IGDCC3: variants seen among roughly 807,000 people sequenced by gnomAD.
IGDCC3 encodes immunoglobulin superfamily DCC subclass member 3.
In IGDCC3, 47 loss-of-function variants were observed where a neutral mutation model predicts 72.0. The ratio of observed to expected loss-of-function variants is 0.65; its 90% CI spans 0.52 to 0.83. The LOEUF (loss-of-function observed/expected upper bound fraction) is 0.83. IGDCC3 is among the 40% of genes least tolerant of loss of function. IGDCC3 has a pLI of 0.00. For missense variants in IGDCC3, 1,038 were observed against 1,091.3 expected (o/e 0.95, Z 0.69); for synonymous variants, 477 against 472.8 (o/e 1.01, Z -0.11).
chr15:65,343,719 G>T (rs952327655), intron 2 of IGDCC3, among the ~76,000 whole-genome samples: 1 of 152,234 alleles, frequency 6.6e-6, no homozygotes, highest in East Asian at 1.9e-4. Context: ...AAGAGTGCTA[G>T]TGGGGCACAG....
In IGDCC3 at chr15:65,330,776, C is replaced by A. The variant is rs544796030; in HGVS notation, c.1562-35G>T. ...GAGAAGGAGGCCACGATGTGAGGACCCAGTGGAAGCTCTATCTTTCTACCT... is the reference window on the plus strand; with the variant it reads ...GAGAAGGAGGCCACGATGTGAGGACACAGTGGAAGCTCTATCTTTCTACCT... On this transcript the variant is annotated intron_variant, in intron 9 of 13. Coordinates refer to ENST00000327987, the MANE Select transcript of IGDCC3 (RefSeq NM_004884.4). The A allele has an allele frequency of 2.9e-4, 439 of 1,496,824 alleles. 4 individuals are homozygous for A. In the East Asian group the frequency reaches 9.5e-3, roughly 32 times the overall value. 92.7% of individuals were successfully genotyped at this position (1,496,824 alleles called of 1,614,324 possible). A position where few individuals can be genotyped will look rare whatever the true frequency, so the allele number is the denominator to read the frequency against.
chr15:65,329,299 G>A lies in IGDCC3; in HGVS notation c.2205+91C>T, dbSNP rs1008107124. On this transcript the variant is annotated intron_variant, in intron 13 of 13. Coordinates refer to ENST00000327987, the MANE Select transcript of IGDCC3 (RefSeq NM_004884.4). This position sits in a 1 kb window ranked among gnomAD's most constrained non-coding sequence, Gnocchi z 4.1. ...TGCAGTTTGACTAAGGCCAATGATC[G>A]AGGCCCGTGGCCAAGGTGAAGGGGG... 11 of 1,470,888 alleles carry A rather than the reference G, an allele frequency of 7.5e-6. No homozygotes were observed. Among genetic ancestry groups the A allele is most frequent in the African/African-American group, 4.2e-5 (3 of 70,706 alleles). The allele number at this position is 1,470,888 out of a possible 1,614,324, so 91.1% of individuals were successfully genotyped here. A position where few individuals can be genotyped will look rare whatever the true frequency, so the allele number is the denominator to read the frequency against.
intron 2 of IGDCC3, among the ~76,000 whole-genome samples, chr15:65,364,741 C>T (rs774345706): frequency 6.6e-6 from 1 of 151,958 alleles, no homozygotes. Flanking sequence ...ATTAGCCCGG[C>T]GTGGTATTGT....
chr15:65,351,345 T>G (rs933139274), intron 2 of IGDCC3, among the ~76,000 whole-genome samples: 2 of 152,176 alleles, frequency 1.3e-5, no homozygotes, highest in Non-Finnish European at 2.9e-5. Context: ...CCATCCTGGC[T>G]AACACGGTGA....
At position 65,355,656 on chromosome 15, in the gene IGDCC3, T is replaced by TACCCC; in HGVS notation, c.409+19440_409+19441insGGGGT. The TACCCC allele has an allele frequency of 2.8e-5, 6 of 211,730 alleles. 2 individuals carry two copies. The highest frequency in any genetic ancestry group is 2.5e-4 in the Admixed American group (4 of 15,882). The allele number at this position is 211,730 out of a possible 1,614,324, so 13.1% of individuals were successfully genotyped here. ...CGGCTAATCCCCGCCGACGCGGGCG[T>TACCCC]CCCGCCCCCCCGCCCCTCCCGCATA... On this transcript the variant is annotated intron_variant, in intron 2 of 13. Transcript: ENST00000327987.
intron 2 of IGDCC3, chr15:65,355,763 C>G (rs1387531424): frequency 2.2e-6 from 1 of 451,186 alleles, no homozygotes; most frequent in Non-Finnish European, 4.4e-6. Context: ...CGGCATTGTG[C>G]GCGGCGAATG....
intron 2 of IGDCC3, among the ~76,000 whole-genome samples, chr15:65,342,204 T>C (rs914914073): frequency 2.0e-5 from 3 of 151,706 alleles, no homozygotes; most frequent in East Asian, 2.0e-4. Context: ...CTGACCAACA[T>C]GGAGAAACCT....
intron 2 of IGDCC3, among the ~76,000 whole-genome samples, chr15:65,365,600 C>T (rs1370610965): frequency 1.3e-5 from 2 of 152,124 alleles, no homozygotes; most frequent in African/African-American, 4.8e-5. Flanking sequence ...CCAGAGAGCC[C>T]CTGACTTGCT....
At position 65,335,385 on chromosome 15, in the gene IGDCC3, T is replaced by C; in HGVS notation, c.591A>G (p.Thr197=). The C allele has an allele frequency of 6.2e-7, 1 of 1,613,744 alleles. No homozygotes were observed. Among genetic ancestry groups the C allele is most frequent in the Middle Eastern group, 1.7e-4 (1 of 6,058 alleles). The change falls in exon 4 of 14, where the codon ACA becomes ACG. Residue 197 remains threonine, a synonymous_variant. Transcript: ENST00000327987. ...TGCCACCGTCCTCAGCTCGAAGTCCTGTGATCTGCAGGACCCCCTTGGGCA... is the reference window on the plus strand; with the variant it reads ...TGCCACCGTCCTCAGCTCGAAGTCCCGTGATCTGCAGGACCCCCTTGGGCA... ...TLLPKGVLQI[T]GLRAEDGGIF... is the part of the protein sequence containing the mutation.
chr15:65,370,517 T>A (rs139564231), intron 2 of IGDCC3, among the ~76,000 whole-genome samples: 1,912 of 6,468 alleles, frequency 0.3, 53 homozygotes, highest in Middle Eastern at 0.5. Flanking sequence ...AAAAAAAAAA[T>A]ATATATATAT....
chr15:65,353,219 T>C (rs1336210548), intron 2 of IGDCC3, among the ~76,000 whole-genome samples: 1 of 150,682 alleles, frequency 6.6e-6, no homozygotes, highest in African/African-American at 2.4e-5. Context: ...CTTCCTTCCT[T>C]CCTTCCCCTC....
At chr15:65,370,588 GTATATATA>G (rs1453455277) in intron 2 of IGDCC3, among the ~76,000 whole-genome samples, 2 of 112,766 alleles carry the variant, frequency 1.8e-5, no homozygotes, top group Non-Finnish European at 3.5e-5. Context: ...ATATATGTAT[GTATATATA>G]TGTATGTGTA....
chr15:65,365,273 G>A (rs933928134), intron 2 of IGDCC3, among the ~76,000 whole-genome samples: 3 of 152,080 alleles, frequency 2.0e-5, no homozygotes, highest in African/African-American at 7.2e-5. Context: ...TCTCTCTCAC[G>A]GTGGTCTGTC....
intron 2 of IGDCC3, among the ~76,000 whole-genome samples, chr15:65,337,276 G>A (rs906437120): frequency 1.2e-4 from 18 of 152,146 alleles, no homozygotes; most frequent in Middle Eastern, 3.2e-3. Context: ...AAAAATCACC[G>A]CCCTGCCTCC....
rs545734938 is a variant in IGDCC3 at position 65,347,729 on chromosome 15, G to A, written c.410-11773C>T. ...GTGGATCACCTGAGGTCAGGAGTTCGAGACCAGCCTGACCAACATGGCGAA... is the reference window on the plus strand; with the variant it reads ...GTGGATCACCTGAGGTCAGGAGTTCAAGACCAGCCTGACCAACATGGCGAA... On this transcript the variant is annotated intron_variant, in intron 2 of 13. Coordinates refer to ENST00000327987, the MANE Select transcript of IGDCC3 (RefSeq NM_004884.4). Among the ~76,000 whole-genome samples, 16 of 152,162 alleles carry A rather than the reference G, an allele frequency of 1.1e-4. 1 individual carries two copies. The South Asian group carries it at 2.9e-3, about 28-fold the overall frequency.
intron 2 of IGDCC3, among the ~76,000 whole-genome samples, chr15:65,345,352 G>C (rs1458126482): frequency 1.3e-5 from 2 of 152,266 alleles, no homozygotes; most frequent in East Asian, 3.9e-4. Flanking sequence ...CCAGGAGTTT[G>C]AGACCAGCTT....
Position 65,335,931 on chromosome 15 carries a change from G to A in IGDCC3, c.435C>T (p.Pro145=). 6.2e-7 allele frequency: 1 copy of A among 1,614,140 alleles called. No homozygotes were observed. Among genetic ancestry groups the A allele is most frequent in the Non-Finnish European group, 8.5e-7 (1 of 1,179,992 alleles). ...AATMSDFHVH[P]QATVGEEGGV... is the part of the protein sequence containing the mutation. ...CACCCTCCTCACCCACGGTGGCCTG[G>A]GGATGCACGTGGAAGTCCGACATGG... is the stretch of plus-strand genomic sequence containing the variant. The change falls in exon 3 of 14, where the codon CCC becomes CCT. Residue 145 remains proline, a synonymous_variant. Transcript: ENST00000327987.
At position 65,377,584 on chromosome 15, in the gene IGDCC3, C is replaced by T. The variant is rs547356569; in HGVS notation, c.103+102G>A. On this transcript the variant is annotated intron_variant, in intron 1 of 13. Transcript: ENST00000327987. The surrounding 1 kb of genome is among the most constrained non-coding windows in gnomAD (Gnocchi z 4.9). ...CCCGCGCGGGGTCCGCCCTCAGGTC[C>T]GCGCCGCTCTCCCCGGGTCCGCCCC... 2.4e-4 allele frequency: 287 copies of T among 1,184,068 alleles called. No individual in the cohort carries two copies. Among genetic ancestry groups the T allele is most frequent in the Middle Eastern group, 2.4e-3 (7 of 2,934 alleles). 73.3% of individuals were successfully genotyped at this position (1,184,068 alleles called of 1,614,324 possible).
intron 2 of IGDCC3, among the ~76,000 whole-genome samples, chr15:65,366,936 G>C (rs1162439617): frequency 6.6e-6 from 1 of 152,248 alleles, no homozygotes; most frequent in Non-Finnish European, 1.5e-5. Flanking sequence ...GTTGGGGGCA[G>C]GGAGAGCAAG....
Sources: allele counts gnomAD v4.1 joint callset (sites outside exome capture counted in the v4.1 genomes callset), GRCh38; gene constraint gnomAD v4.1.1; non-coding constraint Gnocchi (gnomAD v3.1); transcripts MANE v1.5; gene names NCBI Gene and HGNC (gene_info 2026-07-23, HGNC 2026-07-21).